The following EVL variants were observed in gnomAD, a reference collection of about 807,000 sequenced individuals.
EVL encodes Enah/Vasp-like.
Under a neutral mutation model 59.6 loss-of-function variants are expected in EVL, and 21 were observed. The ratio of observed to expected loss-of-function variants is 0.35; its 90% CI spans 0.25 to 0.51. EVL has a LOEUF of 0.51. EVL is among the 20% of genes least tolerant of loss of function. The probability of loss-of-function intolerance (pLI) is 0.97; values close to 1 mark genes in which losing one functional copy is unlikely to be tolerated. For synonymous variants in EVL, 198 were observed against 203.5 expected (o/e 0.97, Z 0.23); for missense variants, 462 against 546.6 (o/e 0.85, Z 1.54).
intron 1 of EVL, among the ~76,000 whole-genome samples, chr14:100,072,305 T>G (rs1323148994): frequency 6.6e-6 from 1 of 152,190 alleles, no homozygotes; most frequent in Non-Finnish European, 1.5e-5. Flanking sequence ...GCTCAGTGCA[T>G]CCTACACCTC....
chr14:100,020,050 C>G (rs1246276306), intron 1 of EVL, among the ~76,000 whole-genome samples: 1 of 152,208 alleles, frequency 6.6e-6, no homozygotes, highest in Non-Finnish European at 1.5e-5. Flanking sequence ...CCTTTGTCAA[C>G]TCATGCAGTC....
chr14:100,086,304 C>T (rs562419215), intron 2 of EVL, among the ~76,000 whole-genome samples: 3 of 152,304 alleles, frequency 2.0e-5, no homozygotes, highest in Admixed American at 6.5e-5. Context: ...CTGTGCCACA[C>T]GTTGCAGGAT....
In EVL at chr14:100,108,480, G is replaced by T. The variant is rs144223739; in HGVS notation, c.358+10822G>T. 4.0e-3 allele frequency among the ~76,000 whole-genome samples: 603 copies of T among 152,254 alleles called. 5 individuals are homozygous for T. Among genetic ancestry groups the T allele is most frequent in the African/African-American group, 0.014 (572 of 41,550 alleles). On this transcript the variant is annotated intron_variant, in intron 3 of 13. Coordinates refer to ENST00000392920, the MANE Select transcript of EVL (RefSeq NM_016337.3). This position sits in a 1 kb window ranked among gnomAD's most constrained non-coding sequence, Gnocchi z 4.1. ...ACGGCAAGCCCCTGGCCTCCTGCCT[G>T]CTCCCAGCTGCCCTCTGGCGGCCAC...
At position 100,108,710 on chromosome 14, in the gene EVL, C is replaced by T. The variant is rs1477527237; in HGVS notation, c.358+11052C>T. Among the ~76,000 whole-genome samples, 2 of 152,130 alleles carry T rather than the reference C, an allele frequency of 1.3e-5. No homozygotes were observed. The highest frequency in any genetic ancestry group is 2.9e-5 in the Non-Finnish European group (2 of 68,032). On this transcript the variant is annotated intron_variant, in intron 3 of 13. Coordinates refer to ENST00000392920, the MANE Select transcript of EVL (RefSeq NM_016337.3). This position sits in a 1 kb window ranked among gnomAD's most constrained non-coding sequence, Gnocchi z 4.1. ...TTCCCCACACTTCTAAAATCTCACT[C>T]GTCCTGTCAGAATGTGGCTCCACAG...
intron 1 of EVL, among the ~76,000 whole-genome samples, chr14:99,982,020 G>A (rs999220630): frequency 6.6e-6 from 1 of 152,206 alleles, no homozygotes; most frequent in East Asian, 1.9e-4. Flanking sequence ...ATGTCGGGGT[G>A]AGGGTGAGAA....
intron 1 of EVL, among the ~76,000 whole-genome samples, chr14:99,999,640 A>T: frequency 6.6e-6 from 1 of 152,206 alleles, no homozygotes; most frequent in Non-Finnish European, 1.5e-5. Flanking sequence ...AACACTTTTT[A>T]AAAAATTAAA....
chr14:100,034,898 A>T (rs1430122929), intron 1 of EVL, among the ~76,000 whole-genome samples: 1 of 152,190 alleles, frequency 6.6e-6, no homozygotes, highest in African/African-American at 2.4e-5. Flanking sequence ...AGTTGTGAGG[A>T]AAAGTATGAT....
chr14:100,140,250 T>C (rs1415080425), intron 11 of EVL: 2 of 151,938 alleles, frequency 1.3e-5, no homozygotes, highest in African/African-American at 4.8e-5. Flanking sequence ...TAAGTAAAAA[T>C]AAAATTCAAA....
intron 1 of EVL, among the ~76,000 whole-genome samples, chr14:100,012,014 T>G (rs1374493891): frequency 6.6e-6 from 1 of 152,136 alleles, no homozygotes; most frequent in East Asian, 1.9e-4. Flanking sequence ...ACAGATAAAG[T>G]GTTTTGCCAA....
intron 2 of EVL, among the ~76,000 whole-genome samples, chr14:100,092,174 T>C (rs184648653): frequency 6.6e-6 from 1 of 151,954 alleles, no homozygotes; most frequent in East Asian, 2.0e-4. Context: ...CCCAGGAGTT[T>C]GAGGCTGCAG....
chr14:100,030,563 C>G (rs1414098523), intron 1 of EVL, among the ~76,000 whole-genome samples: 1 of 152,204 alleles, frequency 6.6e-6, no homozygotes, highest in Non-Finnish European at 1.5e-5. Context: ...TAGTCTTCCC[C>G]TCTCCCTGAG....
chr14:100,009,699 G>A (rs1034009490), intron 1 of EVL, among the ~76,000 whole-genome samples: 3 of 152,128 alleles, frequency 2.0e-5, no homozygotes, highest in African/African-American at 7.2e-5. Flanking sequence ...GCCAAATATG[G>A]GTGACCATGG....
At chr14:100,008,697 A>G (rs978686013) in intron 1 of EVL, among the ~76,000 whole-genome samples, 10 of 152,188 alleles carry the variant, frequency 6.6e-5, no homozygotes, top group Non-Finnish European at 8.8e-5. Context: ...AAATAACTGC[A>G]TTTTCAAATG....
At chr14:100,077,166 A>C (rs2062180943) in intron 1 of EVL, among the ~76,000 whole-genome samples, 2 of 152,190 alleles carry the variant, frequency 1.3e-5, no homozygotes, top group East Asian at 1.9e-4. Flanking sequence ...TGGGGGTGTG[A>C]GACTTCAACC....
intron 1 of EVL, among the ~76,000 whole-genome samples, chr14:100,026,941 A>C (rs2061224533): frequency 6.6e-6 from 1 of 152,138 alleles, no homozygotes. Flanking sequence ...TGGTGGGAGC[A>C]CTGGTTGGTG....
intron 1 of EVL, among the ~76,000 whole-genome samples, chr14:100,000,195 A>G (rs2060937147): frequency 6.6e-6 from 1 of 152,214 alleles, no homozygotes; most frequent in Admixed American, 6.5e-5. Context: ...GTCAGGGCAC[A>G]ACTTGGTTTT....
chr14:100,143,571 G>A, intron 13 of EVL, 130 bp from the exon 14 acceptor site: 1 of 1,133,596 alleles, frequency 8.8e-7, no homozygotes, highest in Non-Finnish European at 1.3e-6. Context: ...GCCAAAGCCT[G>A]GGTGGGGCTC....
chr14:99,983,321 TAGGTTAAGA>T (rs1409333742), intron 1 of EVL, among the ~76,000 whole-genome samples: 1 of 152,098 alleles, frequency 6.6e-6, no homozygotes, highest in Non-Finnish European at 1.5e-5. Context: ...CCAGAAAACT[TAGGTTAAGA>T]AAGAGTTACT....
Position 99,991,960 on chromosome 14 carries a change from C to CTGTGTGTGTGTGTGTG in EVL, c.5+19925_5+19940dup, listed in dbSNP as rs58443751. On this transcript the variant is annotated intron_variant, in intron 1 of 13. Coordinates refer to the EVL transcript ENST00000402714. ...CCCCTGCATTGTTTGAGGGTCAACT[C>CTGTGTGTGTGTGTGTG]TGTGTGTGTGTGTGTGTGTGTGTGT... 4.8e-3 allele frequency among the ~76,000 whole-genome samples: 691 copies of CTGTGTGTGTGTGTGTG among 144,330 alleles called. 4 individuals carry two copies. The highest frequency in any genetic ancestry group is 6.5e-3 in the African/African-American group (252 of 38,754). 94.7% of individuals were successfully genotyped at this position (144,330 alleles called of 152,430 possible).
Sources: allele counts gnomAD v4.1 joint callset (sites outside exome capture counted in the v4.1 genomes callset), GRCh38; gene constraint gnomAD v4.1.1; non-coding constraint Gnocchi (gnomAD v3.1); transcripts MANE v1.5; gene names NCBI Gene and HGNC (gene_info 2026-07-23, HGNC 2026-07-21).